The following CCNJL variants were observed in gnomAD, a reference collection of about 807,000 sequenced individuals.
The protein encoded by CCNJL is cyclin-J-like protein.
A neutral mutation model predicts 33.4 loss-of-function variants in CCNJL; 33 were observed. The ratio of observed to expected loss-of-function variants is 0.99; its 90% CI spans 0.75 to 1.32. The LOEUF is 1.32. CCNJL is among the 40% of genes most tolerant of loss of function. The pLI is 0.00. For synonymous variants in CCNJL, 227 were observed against 220.9 expected (o/e 1.03, Z -0.24); for missense variants, 512 against 499.7 (o/e 1.02, Z -0.23).
chr5:160,257,162 G>A (rs1761102094), intron 4 of CCNJL, among the ~76,000 whole-genome samples: 1 of 151,708 alleles, frequency 6.6e-6, no homozygotes, highest in Non-Finnish European at 1.5e-5. Flanking sequence ...GCAACATGGC[G>A]AGACCCCATC....
Position 160,253,295 on chromosome 5 carries a change from C to T in CCNJL, c.*83G>A. The T allele has an allele frequency of 2.2e-6, 3 of 1,381,348 alleles. No homozygotes were observed. Among genetic ancestry groups the T allele is most frequent in the Non-Finnish European group, 2.9e-6 (3 of 1,024,006 alleles). 85.6% of individuals were successfully genotyped at this position (1,381,348 alleles called of 1,614,324 possible). A position where few individuals can be genotyped will look rare whatever the true frequency, so the allele number is the denominator to read the frequency against. ...GCTCTTCAGGGATGGCCTCCTGCTG[C>T]CTCACTTGGCTGAGCTCTCCTCTTC... On this transcript the variant is annotated 3_prime_UTR_variant, in exon 6 of 6. Coordinates refer to ENST00000257536, the MANE Select transcript of CCNJL (RefSeq NM_001308173.3).
At chr5:160,330,883 C>T (rs186141837) in intron 1 of CCNJL, among the ~76,000 whole-genome samples, 2 of 152,270 alleles carry the variant, frequency 1.3e-5, no homozygotes, top group South Asian at 2.1e-4. Flanking sequence ...GGGCTAGTCT[C>T]GAACTCTGAT....
intron 1 of CCNJL, 73 bp downstream of exon 1, chr5:160,312,291 C>T (rs1763292703): frequency 3.1e-6 from 1 of 326,152 alleles, no homozygotes; most frequent in Admixed American, 4.8e-5. Flanking sequence ...GGCTCGCCGT[C>T]CCCAACTCCT....
At chr5:160,255,331 A>C in intron 5 of CCNJL, 1 of 408,392 alleles carries the variant, frequency 2.4e-6, no homozygotes, top group Non-Finnish European at 4.4e-6. Context: ...AATAAAATAA[A>C]ATAAAAAGCA....
upstream of CCNJL, chr5:160,315,521 A>AAAACAAG: frequency 3.2e-6 from 1 of 313,074 alleles, no homozygotes; most frequent in East Asian, 8.8e-5. Flanking sequence ...AACAAAAACA[A>AAAACAAG]AAACAAGAGA....
upstream of CCNJL, among the ~76,000 whole-genome samples, chr5:160,317,510 T>TTC (rs371060160): frequency 3.0e-3 from 459 of 152,254 alleles, 4 homozygotes; most frequent in African/African-American, 0.01. Flanking sequence ...TGCTGTTCCG[T>TTC]TCTCTGTTTG....
chr5:160,314,937 C>T (rs185562295), upstream of CCNJL, among the ~76,000 whole-genome samples: 3 of 152,290 alleles, frequency 2.0e-5, no homozygotes, highest in East Asian at 5.8e-4. Context: ...TTAAGACCAT[C>T]TTTCTGAAAG....
At chr5:160,271,647 G>A (rs1190650963) in intron 3 of CCNJL, among the ~76,000 whole-genome samples, 2 of 152,344 alleles carry the variant, frequency 1.3e-5, no homozygotes, top group East Asian at 3.9e-4. Flanking sequence ...TCACTAATGT[G>A]ACAGACCACC....
At chr5:160,264,967 T>C (rs1445466611) in intron 3 of CCNJL, among the ~76,000 whole-genome samples, 2 of 152,210 alleles carry the variant, frequency 1.3e-5, no homozygotes, top group African/African-American at 4.8e-5. Flanking sequence ...AATGTTACTA[T>C]AATGAACTCC....
chr5:160,317,080 G>A (rs1406567002), upstream of CCNJL, among the ~76,000 whole-genome samples: 3 of 152,160 alleles, frequency 2.0e-5, no homozygotes, highest in Non-Finnish European at 2.9e-5. Flanking sequence ...AGAGACAGAC[G>A]GAAGACATCT....
intron 3 of CCNJL, among the ~76,000 whole-genome samples, chr5:160,275,112 T>C (rs1214643735): frequency 6.8e-6 from 1 of 146,022 alleles, no homozygotes; most frequent in Non-Finnish European, 1.5e-5. Flanking sequence ...TGAGACAGAG[T>C]CTTGCCCTGC....
chr5:160,314,164 C>T (rs1033717164), upstream of CCNJL, among the ~76,000 whole-genome samples: 9 of 152,076 alleles, frequency 5.9e-5, no homozygotes, highest in African/African-American at 4.8e-5. Flanking sequence ...AGTGAAACTC[C>T]GTCTCAACAA....
At position 160,253,602 on chromosome 5, in the gene CCNJL, G is replaced by T; in HGVS notation, c.940C>A (p.Gln314Lys). 1 of 1,613,836 alleles carries T rather than the reference G, an allele frequency of 6.2e-7. No homozygotes were observed. Residue 314 changes from glutamine to lysine, a missense_variant, in exon 6 of 6, where the codon CAG becomes AAG. By Grantham distance (53) the Gln-to-Lys change is moderately conservative. Coordinates refer to ENST00000257536, the MANE Select transcript of CCNJL (RefSeq NM_001308173.3). ...AGCAGGCTCCCTGAACGGTGGGCCT[G>T]CAAGGAGTCCCGATAGGCCAAGCAT... ...DLCLAYRDSL[Q>K]AHRSGSLLSG...
intron 3 of CCNJL, among the ~76,000 whole-genome samples, 200 bp from the exon 4 acceptor site, chr5:160,259,971 G>C (rs1342654712): frequency 1.3e-5 from 2 of 152,202 alleles, no homozygotes; most frequent in African/African-American, 4.8e-5. Context: ...TTCCCACTGG[G>C]GGATCATGGC....
intron 2 of CCNJL, among the ~76,000 whole-genome samples, chr5:160,287,401 CA>C (rs1762440234): frequency 6.6e-6 from 1 of 152,192 alleles, no homozygotes; most frequent in African/African-American, 2.4e-5. Context: ...GCCCTCAAAC[CA>C]AGTAGAATTA....
intron 3 of CCNJL, among the ~76,000 whole-genome samples, chr5:160,269,939 A>G (rs926033156): frequency 1.2e-4 from 19 of 152,348 alleles, no homozygotes; most frequent in Admixed American, 7.2e-4. Context: ...ATACTTGCGG[A>G]AAATACAACT....
rs765545123 is a variant in CCNJL, at chr5:160,249,805, TA to T, written c.*3572del. On this transcript the variant is annotated 3_prime_UTR_variant, in exon 6 of 6. Transcript: ENST00000257536. ...ATAAATAAATAAATAAATAAATAAA[TA>T]AAATAAAAATTTAAAAAATCAAACT... The T allele has an allele frequency of 7.0e-6, 1 of 143,654 alleles. No homozygotes were observed. Among genetic ancestry groups the T allele is most frequent in the Admixed American group, 6.9e-5 (1 of 14,544 alleles). 8.9% of individuals were successfully genotyped at this position (143,654 alleles called of 1,614,324 possible). A position where few individuals can be genotyped will look rare whatever the true frequency, so the allele number is the denominator to read the frequency against.
At chr5:160,326,214 C>G (rs920450528) in intron 1 of CCNJL, among the ~76,000 whole-genome samples, 2 of 151,840 alleles carry the variant, frequency 1.3e-5, no homozygotes, top group African/African-American at 4.8e-5. Flanking sequence ...GTAGGACAAG[C>G]CTGTAATCCA....
intron 2 of CCNJL, among the ~76,000 whole-genome samples, chr5:160,306,155 T>C (rs370152274): frequency 2.3e-4 from 34 of 150,852 alleles, no homozygotes; most frequent in African/African-American, 7.8e-4. Context: ...CCTGTAATCC[T>C]AGCTACTCGG....
Sources: gnomAD v4.1 joint callset for allele counts (sites outside exome capture counted in the v4.1 genomes callset) on GRCh38, gnomAD v4.1.1 for gene constraint, MANE v1.5 for transcripts, NCBI Gene and HGNC (gene_info 2026-07-23, HGNC 2026-07-21) for gene names.